The following TLE3 variants were observed in gnomAD, a reference collection of about 807,000 sequenced individuals.
TLE3 encodes TLE family member 3, transcriptional corepressor.
TLE3 carries 14 observed loss-of-function variants against 93.0 expected under a neutral mutation model. The observed-to-expected ratio is 0.15, with a 90% confidence interval of 0.10 to 0.24. TLE3 has a LOEUF of 0.24. TLE3 is among the 10% of genes least tolerant of loss of function. The probability of loss-of-function intolerance (pLI) is 1.00; values close to 1 mark genes in which losing one functional copy is unlikely to be tolerated. For synonymous variants in TLE3, 451 were observed against 425.0 expected (o/e 1.06, Z -0.75); for missense variants, 693 against 1,046.6 (o/e 0.66, Z 4.66).
At chr15:70,088,634 C>T (rs1180741349) in intron 4 of TLE3, among the ~76,000 whole-genome samples, 3 of 151,980 alleles carry the variant, frequency 2.0e-5, no homozygotes, top group Non-Finnish European at 4.4e-5. Context: ...TTCAAGTGCT[C>T]TCTTAAACCA....
chr15:70,069,039 AACAG>A (rs2056984477), intron 6 of TLE3, among the ~76,000 whole-genome samples: 1 of 152,226 alleles, frequency 6.6e-6, no homozygotes, highest in African/African-American at 2.4e-5. Flanking sequence ...AATCTTAGCA[AACAG>A]ACAGATCCCA....
chr15:70,091,092 C>G (rs144690918), intron 4 of TLE3, among the ~76,000 whole-genome samples: 1 of 152,230 alleles, frequency 6.6e-6, no homozygotes, highest in Admixed American at 6.5e-5. Flanking sequence ...AGCTTCCCTT[C>G]TCTGGGCCAC....
chr15:70,069,536 T>C (rs376859612), intron 6 of TLE3, among the ~76,000 whole-genome samples: 8 of 152,212 alleles, frequency 5.3e-5, no homozygotes, highest in African/African-American at 1.9e-4. Flanking sequence ...CATGCAAAAC[T>C]GAAGCGTTCC....
chr15:70,097,807 CACACACACCA>C lies in TLE3; in HGVS notation c.-1019_-1010del. ...ACACACACACGCGCGCACGCACACA[CACACACACCA>C]AAAAAAAAAGTGCCCCGGACCTACG... On this transcript the variant is annotated 5_prime_UTR_variant, in exon 1 of 20. Coordinates refer to ENST00000451782, the MANE Select transcript of TLE3 (RefSeq NM_001105192.3). 1 of 276,922 alleles carries C rather than the reference CACACACACCA, an allele frequency of 3.6e-6. No homozygotes were observed. The highest frequency in any genetic ancestry group is 5.8e-6 in the Non-Finnish European group (1 of 173,022). 17.2% of individuals were successfully genotyped at this position (276,922 alleles called of 1,614,324 possible). A position where few individuals can be genotyped will look rare whatever the true frequency, so the allele number is the denominator to read the frequency against.
At position 70,058,364 on chromosome 15, in the gene TLE3, C is replaced by T; in HGVS notation, c.919-73G>A. 3 of 1,529,532 alleles carry T rather than the reference C, an allele frequency of 2.0e-6. No homozygotes were observed. 94.7% of individuals were successfully genotyped at this position (1,529,532 alleles called of 1,614,324 possible). A position where few individuals can be genotyped will look rare whatever the true frequency, so the allele number is the denominator to read the frequency against. On this transcript the variant is annotated intron_variant, in intron 11 of 19. Transcript: ENST00000451782. The surrounding 1 kb of genome is among the most constrained non-coding windows in gnomAD (Gnocchi z 4.1). ...TCCTAGGAGCCGGGCACAACTGGTGCCGGTCCCAACGTGAAGCCCAGAGCC... is the reference window on the plus strand; with the variant it reads ...TCCTAGGAGCCGGGCACAACTGGTGTCGGTCCCAACGTGAAGCCCAGAGCC...
intron 4 of TLE3, among the ~76,000 whole-genome samples, chr15:70,077,283 C>T (rs1266701636): frequency 5.9e-5 from 9 of 152,180 alleles, no homozygotes; most frequent in East Asian, 1.9e-4. Context: ...CACTGACAGA[C>T]GACTCTCAGA....
rs1374105678 is a variant in TLE3, at chr15:70,057,763, C to T, written c.1052-105G>A. 6 of 1,359,246 alleles carry T rather than the reference C, an allele frequency of 4.4e-6. No homozygotes were observed. The African/African-American group carries it at 7.2e-5, about 16-fold the overall frequency. The allele number at this position is 1,359,246 out of a possible 1,614,324, so 84.2% of individuals were successfully genotyped here. A position where few individuals can be genotyped will look rare whatever the true frequency, so the allele number is the denominator to read the frequency against. ...TCCCTGCATTCTTAAGCTGCCTGCT[C>T]CAGGCAGTCCTCTCAGACTGAACCC... On this transcript the variant is annotated intron_variant, in intron 12 of 19. Transcript: ENST00000451782.
intron 1 of TLE3, chr15:70,096,537 G>C (rs1044442655): frequency 3.7e-6 from 5 of 1,366,786 alleles, no homozygotes; most frequent in Non-Finnish European, 5.0e-6. Context: ...CTTCAGAGCG[G>C]GGCCGGGGAC....
At chr15:70,073,911 G>A (rs951719012) in intron 6 of TLE3, among the ~76,000 whole-genome samples, 3 of 152,242 alleles carry the variant, frequency 2.0e-5, no homozygotes, top group African/African-American at 7.2e-5. Context: ...GGGCCTCACA[G>A]AGCACTCTTG....
intron 4 of TLE3, among the ~76,000 whole-genome samples, chr15:70,076,476 A>C (rs2057451911): frequency 1.3e-5 from 2 of 152,210 alleles, no homozygotes; most frequent in Admixed American, 1.3e-4. Context: ...AAACGAAATA[A>C]AAATCACCCC....
At position 70,053,316 on chromosome 15, in the gene TLE3, T is replaced by G; in HGVS notation, c.1885A>C (p.Lys629Gln). Residue 629 changes from lysine to glutamine, a missense_variant, in exon 17 of 20, where the codon AAA (lysine) becomes CAA (glutamine). Lys to Gln is a moderately conservative substitution (Grantham distance 53). Transcript: ENST00000451782. ...TTGTCCAGGCCCCCTGTCCACAGTT[T>G]GGTGCCATCATGGGAGATGTCTATG... ...SCIDISHDGT[K>Q]LWTGGLDNTV... The G allele has an allele frequency of 6.2e-7, 1 of 1,609,382 alleles. No homozygotes were observed. The highest frequency in any genetic ancestry group is 1.7e-5 in the Admixed American group (1 of 59,356).
In TLE3 at chr15:70,095,744, C is replaced by T. The variant is rs568272137; in HGVS notation, c.126-103G>A. On this transcript the variant is annotated intron_variant, in intron 2 of 19. Transcript: ENST00000451782. ...AGCCACTTTTCCACTTTCCTGACAC[C>T]CCCCCGGGGGCGCCCCCATTATCCC... The T allele has an allele frequency of 7.2e-6, 10 of 1,397,678 alleles. No homozygotes were observed. In the Admixed American group the frequency reaches 7.8e-5, roughly 11 times the overall value. 86.6% of individuals were successfully genotyped at this position (1,397,678 alleles called of 1,614,324 possible).
intron 4 of TLE3, among the ~76,000 whole-genome samples, chr15:70,090,045 A>G (rs1330643653): frequency 1.1e-4 from 17 of 152,168 alleles, no homozygotes; most frequent in Non-Finnish European, 2.1e-4. Context: ...CACAAGAAGG[A>G]AAAGACCCCA....
At chr15:70,052,306 C>T (rs1254195385) in intron 18 of TLE3, 68 bp downstream of exon 18, 2 of 1,579,544 alleles carry the variant, frequency 1.3e-6, no homozygotes, top group African/African-American at 2.7e-5. Flanking sequence ...CCTCTTCTGT[C>T]CTGTTGGGCC....
At chr15:70,053,430 G>A in intron 16 of TLE3, 56 bp from the exon 17 acceptor site, 2 of 1,554,034 alleles carry the variant, frequency 1.3e-6, no homozygotes, top group Middle Eastern at 1.7e-4. Context: ...ACTGCCAGGT[G>A]GCGGCCATCC....
chr15:70,095,817 G>A (rs915764619), intron 2 of TLE3, 176 bp from the exon 3 acceptor site: 24 of 757,254 alleles, frequency 3.2e-5, no homozygotes, highest in Non-Finnish European at 4.4e-5. Flanking sequence ...TGGGGAGGGG[G>A]ATGTGAAACA....
At chr15:70,065,282 G>T (rs571996901) in intron 7 of TLE3, among the ~76,000 whole-genome samples, 1 of 152,310 alleles carries the variant, frequency 6.6e-6, no homozygotes, top group African/African-American at 2.4e-5. Flanking sequence ...GGCCTCCCAG[G>T]GAGCCAGGCT....
At chr15:70,052,321 T>C in intron 18 of TLE3, 53 bp downstream of exon 18, 1 of 1,592,380 alleles carries the variant, frequency 6.3e-7, no homozygotes, top group Non-Finnish European at 8.6e-7. Context: ...TGGGCCAGGC[T>C]GCCCTGGGTT....
At chr15:70,054,288 C>T in intron 16 of TLE3, 150 bp downstream of exon 16, 1 of 1,144,084 alleles carries the variant, frequency 8.7e-7, no homozygotes, top group Non-Finnish European at 1.2e-6. Context: ...GCAGGCGGAG[C>T]TGTCTTTTCA....
Sources: gnomAD v4.1 joint callset for allele counts (sites outside exome capture counted in the v4.1 genomes callset) on GRCh38, gnomAD v4.1.1 for gene constraint, Gnocchi (gnomAD v3.1) non-coding constraint, MANE v1.5 for transcripts, NCBI Gene and HGNC (gene_info 2026-07-23, HGNC 2026-07-21) for gene names.